CFAP61: variants seen among roughly 807,000 people sequenced by gnomAD.
CFAP61 encodes cilia- and flagella-associated protein 61.
Under a neutral mutation model 135.6 loss-of-function variants are expected in CFAP61, and 107 were observed. That is an observed-to-expected ratio of 0.79 (90% CI 0.67 to 0.93). The LOEUF (loss-of-function observed/expected upper bound fraction) is 0.93. Among genes scored for constraint, CFAP61 ranks in the 40% least tolerant of loss-of-function variants. The pLI, the probability that CFAP61 is intolerant of heterozygous loss-of-function variation, is 0.00. For missense variants in CFAP61, 1,507 were observed against 1,556.2 expected, an observed-to-expected ratio of 0.97 and a Z score of 0.53; for synonymous variants, 575 against 578.5, an observed-to-expected ratio of 0.99 and a Z score of 0.09.
intron 19 of CFAP61, among the ~76,000 whole-genome samples, chr20:20,250,118 A>C (rs995388294): frequency 6.6e-6 from 1 of 152,224 alleles, no homozygotes; most frequent in Admixed American, 6.5e-5. Flanking sequence ...CCCCATGACT[A>C]GAATTCTCTT....
At chr20:20,319,907 G>A (rs927324074) in intron 25 of CFAP61, among the ~76,000 whole-genome samples, 5 of 152,168 alleles carry the variant, frequency 3.3e-5, no homozygotes, top group Non-Finnish European at 5.9e-5. Context: ...ACCTCATGCA[G>A]TCCTTGGTGG....
chr20:20,296,610 A>G (rs1215692178), intron 24 of CFAP61, among the ~76,000 whole-genome samples: 1 of 152,038 alleles, frequency 6.6e-6, no homozygotes, highest in Non-Finnish European at 1.5e-5. Flanking sequence ...TCCTCATTTT[A>G]GAAGTAATGA....
intron 8 of CFAP61, among the ~76,000 whole-genome samples, chr20:20,117,818 T>G: frequency 6.6e-6 from 1 of 152,190 alleles, no homozygotes; most frequent in Non-Finnish European, 1.5e-5. Context: ...TTTGGTGAAA[T>G]TGATTCCTAG....
chr20:20,311,704 A>G (rs1247690517), intron 25 of CFAP61, among the ~76,000 whole-genome samples: 1 of 152,128 alleles, frequency 6.6e-6, no homozygotes, highest in African/African-American at 2.4e-5. Context: ...CAGAGAGAGA[A>G]GCTTGGAGAT....
chr20:20,286,800 G>A (rs2054616183), intron 22 of CFAP61, among the ~76,000 whole-genome samples: 1 of 152,120 alleles, frequency 6.6e-6, no homozygotes, highest in Admixed American at 6.5e-5. Flanking sequence ...TACACCAAAA[G>A]TGTATAAGTA....
intron 20 of CFAP61, among the ~76,000 whole-genome samples, chr20:20,258,910 A>T (rs1021831968): frequency 6.6e-6 from 1 of 152,206 alleles, no homozygotes; most frequent in African/African-American, 2.4e-5. Context: ...GCCCAGGGTC[A>T]GTTAGTAGGG....
intron 9 of CFAP61, 26 bp downstream of exon 9, chr20:20,142,974 T>C (rs756960012): frequency 1.4e-5 from 20 of 1,406,926 alleles, no homozygotes; most frequent in Admixed American, 7.5e-5. Context: ...CCTCCATGCC[T>C]AGGGTGGGGG....
intron 1 of CFAP61, chr20:20,055,862 G>A: frequency 9.5e-7 from 1 of 1,048,400 alleles, no homozygotes; most frequent in Admixed American, 2.0e-5. Context: ...CTTTCCCTAT[G>A]AAGGAAAGAA....
intron 8 of CFAP61, among the ~76,000 whole-genome samples, chr20:20,125,195 A>AT (rs560122950): frequency 0.018 from 2,659 of 150,898 alleles, 33 homozygotes; most frequent in Non-Finnish European, 0.029. Flanking sequence ...TATCTTTTGT[A>AT]TTTTTTTTGT....
intron 6 of CFAP61, among the ~76,000 whole-genome samples, chr20:20,077,885 A>C (rs144067855): frequency 3.4e-3 from 524 of 152,298 alleles, no homozygotes; most frequent in Non-Finnish European, 6.2e-3. Context: ...ATAGATTGTA[A>C]ATCTTTTTTA....
chr20:20,075,570 G>A lies in CFAP61; in HGVS notation c.521G>A (p.Cys174Tyr). Residue 174 changes from cysteine to tyrosine, a missense_variant, in exon 6 of 27, where the codon TGT (cysteine) becomes TAT (tyrosine). By Grantham distance (194) the Cys-to-Tyr change is radical. Transcript: ENST00000245957. ...GAGGAAGACTTTGCAGTGCATATAT[G>A]TCACAGGCACAGCCACTATCCTCAG... is the stretch of plus-strand genomic sequence containing the variant. ...TYEEDFAVHI[C>Y]HRHSHYPQLH... 6.2e-7 allele frequency: 1 copy of A among 1,614,150 alleles called. No individual in the cohort carries two copies. The highest frequency in any genetic ancestry group is 1.3e-5 in the African/African-American group (1 of 75,036).
chr20:20,084,186 A>G lies in CFAP61; in HGVS notation c.567-6658A>G, dbSNP rs532514326. ...TCACTACCACTAAATTAGATTTTCT[A>G]TGACTTGTTTTCTTAATTCACTGGT... On this transcript the variant is annotated intron_variant, in intron 6 of 26. Transcript: ENST00000245957. Among the ~76,000 whole-genome samples, 21 of 152,308 alleles carry G rather than the reference A, an allele frequency of 1.4e-4. 1 individual carries two copies. In the South Asian group the frequency reaches 4.3e-3, roughly 32 times the overall value.
intron 26 of CFAP61, among the ~76,000 whole-genome samples, chr20:20,353,297 A>C (rs76172056): frequency 0.016 from 2,378 of 152,240 alleles, 63 homozygotes; most frequent in African/African-American, 0.055. Context: ...GCCAGACACA[A>C]AAGGTTAATT....
chr20:20,213,317 T>G (rs1240272758), intron 17 of CFAP61, among the ~76,000 whole-genome samples: 1 of 152,174 alleles, frequency 6.6e-6, no homozygotes, highest in Non-Finnish European at 1.5e-5. Flanking sequence ...ACCCTCCCAT[T>G]TTTAACCTTG....
intron 17 of CFAP61, among the ~76,000 whole-genome samples, chr20:20,218,183 G>C (rs1264882423): frequency 6.6e-6 from 1 of 152,128 alleles, no homozygotes; most frequent in African/African-American, 2.4e-5. Flanking sequence ...ATGTCTCCCA[G>C]AATTCCCACA....
intron 20 of CFAP61, chr20:20,258,489 C>G (rs1316975438): frequency 6.6e-6 from 1 of 152,136 alleles, no homozygotes; most frequent in Non-Finnish European, 1.5e-5. Flanking sequence ...TCCGTCACTC[C>G]AGATGCGCAG....
At chr20:20,240,250 A>C (rs1010945043) in intron 18 of CFAP61, among the ~76,000 whole-genome samples, 4 of 152,226 alleles carry the variant, frequency 2.6e-5, no homozygotes, top group Admixed American at 6.5e-5. Flanking sequence ...GTGGTGGATA[A>C]CATCACCCAG....
At chr20:20,291,776 G>T (rs2055013765) in intron 24 of CFAP61, among the ~76,000 whole-genome samples, 1 of 152,190 alleles carries the variant, frequency 6.6e-6, no homozygotes, top group African/African-American at 2.4e-5. Flanking sequence ...GTCAGTTGAA[G>T]AGCTCCTCTA....
chr20:20,323,256 G>T, intron 25 of CFAP61: 2 of 985,382 alleles, frequency 2.0e-6, no homozygotes, highest in Non-Finnish European at 2.4e-6. Context: ...TTCAGCCTTC[G>T]TCTTCGATTT....
Sources: gnomAD v4.1 joint callset for allele counts (sites outside exome capture counted in the v4.1 genomes callset) on GRCh38, gnomAD v4.1.1 for gene constraint, MANE v1.5 for transcripts, NCBI Gene and HGNC (gene_info 2026-07-23, HGNC 2026-07-21) for gene names.